Variants in CTNNA3 observed in about 807,000 individuals in gnomAD.
CTNNA3 encodes catenin alpha-3.
In CTNNA3, 76 loss-of-function variants were observed where a neutral mutation model predicts 95.7. That is an observed-to-expected ratio of 0.79 (90% CI 0.66 to 0.96). CTNNA3 has a LOEUF of 0.96. CTNNA3 is among the 40% of genes least tolerant of loss of function. The probability of loss-of-function intolerance (pLI) is 0.00; values close to 1 mark genes in which losing one functional copy is unlikely to be tolerated. For missense variants in CTNNA3, 1,191 were observed against 1,089.8 expected, an observed-to-expected ratio of 1.09 and a Z score of -1.31; for synonymous variants, 431 against 374.4, an observed-to-expected ratio of 1.15 and a Z score of -1.74.
chr10:66,891,323 A>G lies in CTNNA3; in HGVS notation c.1048-115799T>C, dbSNP rs143388228. Reference sequence around the variant, plus strand: ...ATGCAGGTTAGGCATTTCCGTAGAAATCAGTCTAAGTCAATTTAAGTTCAT... The same window carrying G: ...ATGCAGGTTAGGCATTTCCGTAGAAGTCAGTCTAAGTCAATTTAAGTTCAT... On this transcript the variant is annotated intron_variant, in intron 7 of 17. Transcript: ENST00000433211. Among the ~76,000 whole-genome samples, 491 of 152,308 alleles carry G rather than the reference A, an allele frequency of 3.2e-3. 2 individuals carry two copies. The highest frequency in any genetic ancestry group is 0.011 in the African/African-American group (463 of 41,568).
chr10:67,566,136 A>G (rs1294260566), intron 3 of CTNNA3, among the ~76,000 whole-genome samples: 4 of 128,246 alleles, frequency 3.1e-5, no homozygotes, highest in Non-Finnish European at 6.6e-5. Flanking sequence ...CTAAAACACC[A>G]AAAGCAATGG....
Position 67,717,948 on chromosome 10 carries a change from G to A in CTNNA3, c.-2+45486C>T, listed in dbSNP as rs115358673. Among the ~76,000 whole-genome samples the A allele has an allele frequency of 4.2e-3, 640 of 152,212 alleles. 6 individuals are homozygous for A. Among genetic ancestry groups the A allele is most frequent in the African/African-American group, 0.014 (573 of 41,542 alleles). On this transcript the variant is annotated intron_variant, in intron 1 of 17. Transcript: ENST00000684154. ...CACAATATTCATTCTTCCAACCCACGAGCACAGAATGTTTTTCCATTTGTT... is the reference window on the plus strand; with the variant it reads ...CACAATATTCATTCTTCCAACCCACAAGCACAGAATGTTTTTCCATTTGTT...
chr10:67,727,645 AT>A (rs1841245466), intron 1 of CTNNA3, among the ~76,000 whole-genome samples: 1 of 128,220 alleles, frequency 7.8e-6, no homozygotes, highest in Non-Finnish European at 1.6e-5. Context: ...ATTATATATT[AT>A]TATATTATAT....
At chr10:67,483,770 A>G (rs572091015) in intron 5 of CTNNA3, among the ~76,000 whole-genome samples, 2 of 121,900 alleles carry the variant, frequency 1.6e-5, no homozygotes, top group Non-Finnish European at 3.3e-5. Flanking sequence ...ATAAAAAAAT[A>G]AAAATTAAAA....
At chr10:66,899,657 G>A (rs1199996926) in intron 7 of CTNNA3, among the ~76,000 whole-genome samples, 2 of 152,098 alleles carry the variant, frequency 1.3e-5, no homozygotes, top group Non-Finnish European at 2.9e-5. Context: ...CAAATACTGT[G>A]CTTTTCAATG....
At chr10:67,371,396 C>A (rs1176474658) in intron 5 of CTNNA3, among the ~76,000 whole-genome samples, 5 of 139,076 alleles carry the variant, frequency 3.6e-5, no homozygotes, top group African/African-American at 1.4e-4. Flanking sequence ...CATCCCACAA[C>A]AGGCCCCAGT....
intron 9 of CTNNA3, among the ~76,000 whole-genome samples, chr10:66,703,664 C>A (rs137910601): frequency 4.3e-4 from 65 of 152,276 alleles, no homozygotes; most frequent in African/African-American, 1.4e-3. Flanking sequence ...AGTGAGGATG[C>A]AAGCTTTTGC....
chr10:66,576,956 A>C (rs1204361428), intron 10 of CTNNA3, among the ~76,000 whole-genome samples: 1 of 114,372 alleles, frequency 8.7e-6, no homozygotes, highest in Non-Finnish European at 2.2e-5. Flanking sequence ...CCAGCAGTGT[A>C]TAAGCGTTCC....
At chr10:67,686,537 T>C (rs1387094871) in intron 1 of CTNNA3, among the ~76,000 whole-genome samples, 1 of 152,152 alleles carries the variant, frequency 6.6e-6, no homozygotes, top group Non-Finnish European at 1.5e-5. Flanking sequence ...GCCTGGTATC[T>C]AAGCAGGCGG....
intron 13 of CTNNA3, among the ~76,000 whole-genome samples, chr10:66,109,928 A>G (rs1393991292): frequency 1.3e-5 from 2 of 151,884 alleles, no homozygotes; most frequent in Non-Finnish European, 2.9e-5. Flanking sequence ...TAAATTTTTA[A>G]TTGATAATTG....
chr10:67,408,734 A>G (rs183633077), intron 5 of CTNNA3, among the ~76,000 whole-genome samples: 11 of 152,230 alleles, frequency 7.2e-5, no homozygotes, highest in African/African-American at 2.4e-4. Flanking sequence ...AAATTGACAA[A>G]TGAGATCTAA....
At chr10:67,729,351 A>C (rs190009325) in intron 1 of CTNNA3, among the ~76,000 whole-genome samples, 1 of 152,106 alleles carries the variant, frequency 6.6e-6, no homozygotes, top group Non-Finnish European at 1.5e-5. Context: ...CTATTAACTT[A>C]TTTGTTAAAT....
At chr10:66,297,884 G>T (rs909791984) in intron 12 of CTNNA3, among the ~76,000 whole-genome samples, 1 of 152,130 alleles carries the variant, frequency 6.6e-6, no homozygotes, top group African/African-American at 2.4e-5. Flanking sequence ...TGGAGCCATG[G>T]GGTAAGTTAA....
intron 13 of CTNNA3, among the ~76,000 whole-genome samples, chr10:66,174,799 C>T (rs1028565395): frequency 3.9e-5 from 6 of 152,036 alleles, no homozygotes; most frequent in African/African-American, 7.2e-5. Flanking sequence ...GTGCTTCATA[C>T]ATTAAAAGGT....
chr10:66,503,147 C>T (rs1465480675), intron 11 of CTNNA3, among the ~76,000 whole-genome samples: 2 of 152,066 alleles, frequency 1.3e-5, no homozygotes, highest in Admixed American at 1.3e-4. Flanking sequence ...TTTTACTAGG[C>T]CACTCAATAT....
intron 3 of CTNNA3, among the ~76,000 whole-genome samples, chr10:67,569,995 T>C (rs1247146057): frequency 6.6e-6 from 1 of 152,102 alleles, no homozygotes; most frequent in African/African-American, 2.4e-5. Flanking sequence ...TTGCCCCTGC[T>C]TTACAACTGG....
intron 15 of CTNNA3, among the ~76,000 whole-genome samples, chr10:65,992,078 T>C (rs2078558382): frequency 6.6e-6 from 1 of 152,272 alleles, no homozygotes; most frequent in East Asian, 1.9e-4. Flanking sequence ...TGAATCATCC[T>C]TGCATCCCAA....
In CTNNA3 at chr10:66,457,280, T is replaced by C. The variant is rs185032227; in HGVS notation, c.1531+63337A>G. ...GAAAATGAAAAGCTAAACTTCAAAA[T>C]TGGAGAAAATATTTTCAAACCACAT... On this transcript the variant is annotated intron_variant, in intron 11 of 17. Coordinates refer to ENST00000433211, the MANE Select transcript of CTNNA3 (RefSeq NM_013266.4). Among the ~76,000 whole-genome samples the C allele has an allele frequency of 2.6e-3, 396 of 152,122 alleles. 3 individuals carry two copies. The highest frequency in any genetic ancestry group is 0.022 in the South Asian group (108 of 4,816).
At chr10:66,132,165 A>G (rs577186877) in intron 13 of CTNNA3, among the ~76,000 whole-genome samples, 4 of 152,354 alleles carry the variant, frequency 2.6e-5, no homozygotes, top group African/African-American at 9.6e-5. Context: ...TTTTCTGACA[A>G]AAGTCTAATA....
Sources: allele counts gnomAD v4.1 joint callset (sites outside exome capture counted in the v4.1 genomes callset), GRCh38; gene constraint gnomAD v4.1.1; transcripts MANE v1.5; gene names NCBI Gene and HGNC (gene_info 2026-07-23, HGNC 2026-07-21).